PRKCH: variants seen among roughly 807,000 people sequenced by gnomAD.
PRKCH encodes protein kinase C eta type.
Under a neutral mutation model 82.5 loss-of-function variants are expected in PRKCH, and 28 were observed. That is an observed-to-expected ratio of 0.34 (90% CI 0.25 to 0.47). The LOEUF is 0.47. PRKCH is among the 20% of genes least tolerant of loss of function. The pLI is 1.00. For synonymous variants in PRKCH, 322 were observed against 327.4 expected (o/e 0.98, Z 0.18); for missense variants, 705 against 881.8 (o/e 0.80, Z 2.54).
Position 61,473,792 on chromosome 14 carries a change from A to T in PRKCH, c.1279-11710A>T, listed in dbSNP as rs886728004. On this transcript the variant is annotated intron_variant, in intron 9 of 13. Transcript: ENST00000332981. Reference sequence around the variant, plus strand: ...TGGATCACCTGAGGTCAGGAGTTCGAGACCAGCCTGGCCAACATGGCAAAA... The same window carrying T: ...TGGATCACCTGAGGTCAGGAGTTCGTGACCAGCCTGGCCAACATGGCAAAA... Among the ~76,000 whole-genome samples, 50 of 152,212 alleles carry T rather than the reference A, an allele frequency of 3.3e-4. 1 individual carries two copies. Among genetic ancestry groups the T allele is most frequent in the Admixed American group, 7.2e-4 (11 of 15,290 alleles).
intron 1 of PRKCH, among the ~76,000 whole-genome samples, chr14:61,247,514 TC>T (rs1207901010): frequency 6.6e-6 from 1 of 151,894 alleles, no homozygotes; most frequent in Non-Finnish European, 1.5e-5. Context: ...GGTGGGCAGA[TC>T]ACCTGAGGTC....
chr14:61,313,446 G>C (rs1685931675), intron 1 of PRKCH, among the ~76,000 whole-genome samples: 3 of 152,094 alleles, frequency 2.0e-5, no homozygotes, highest in South Asian at 4.1e-4. Flanking sequence ...TCTGCATTCA[G>C]AATTAAAGAA....
At chr14:61,369,473 G>A (rs1429880346) in intron 1 of PRKCH, among the ~76,000 whole-genome samples, 4 of 152,056 alleles carry the variant, frequency 2.6e-5, no homozygotes, top group Admixed American at 6.5e-5. Context: ...TTTGCTTCGC[G>A]TCAGAAATTC....
intron 1 of PRKCH, among the ~76,000 whole-genome samples, chr14:61,347,530 A>G (rs771329101): frequency 9.2e-5 from 14 of 152,112 alleles, no homozygotes. Flanking sequence ...TCTGTAGTTT[A>G]TTTCCTAATC....
chr14:61,511,765 G>T (rs1674223555), intron 10 of PRKCH, among the ~76,000 whole-genome samples: 1 of 152,210 alleles, frequency 6.6e-6, no homozygotes, highest in Non-Finnish European at 1.5e-5. Flanking sequence ...TCAGTGGAAA[G>T]TTACAGGAGG....
intron 1 of PRKCH, among the ~76,000 whole-genome samples, chr14:61,302,217 G>T (rs1467450117): frequency 2.0e-5 from 3 of 152,206 alleles, no homozygotes; most frequent in Non-Finnish European, 4.4e-5. Flanking sequence ...GGCATAAAAT[G>T]TAAGCAAATA....
intron 9 of PRKCH, among the ~76,000 whole-genome samples, chr14:61,475,658 C>T (rs1806784335): frequency 6.6e-6 from 1 of 152,054 alleles, no homozygotes; most frequent in African/African-American, 2.4e-5. Flanking sequence ...TAGCATGCAA[C>T]TGTTAAAAAA....
chr14:61,360,015 C>T (rs948179301), intron 1 of PRKCH, among the ~76,000 whole-genome samples: 1 of 152,216 alleles, frequency 6.6e-6, no homozygotes, highest in African/African-American at 2.4e-5. Context: ...CAGATACTTA[C>T]TTACCATTTT....
At chr14:61,297,248 A>G (rs933720510) in intron 1 of PRKCH, among the ~76,000 whole-genome samples, 3 of 152,224 alleles carry the variant, frequency 2.0e-5, no homozygotes, top group Non-Finnish European at 4.4e-5. Context: ...TATTTTTCAT[A>G]TAAAATTTGC....
intron 12 of PRKCH, among the ~76,000 whole-genome samples, chr14:61,535,839 A>G (rs1424205954): frequency 6.6e-6 from 1 of 152,236 alleles, no homozygotes; most frequent in Admixed American, 6.5e-5. Context: ...GGAGAAACAG[A>G]TGAAACAATA....
At chr14:61,413,409 C>CCA (rs1566867730) in intron 2 of PRKCH, among the ~76,000 whole-genome samples, 6 of 68,572 alleles carry the variant, frequency 8.7e-5, no homozygotes, top group African/African-American at 2.8e-4. Flanking sequence ...AAGCGCCCCC[C>CCA]CCCCGCCCCG....
chr14:61,447,575 G>T (rs1209524063), intron 4 of PRKCH, among the ~76,000 whole-genome samples: 1 of 152,144 alleles, frequency 6.6e-6, no homozygotes, highest in East Asian at 1.9e-4. Context: ...TAAAAGAAGA[G>T]AAACCATAAA....
At chr14:61,499,140 C>T (rs572729038) in intron 10 of PRKCH, among the ~76,000 whole-genome samples, 1 of 152,254 alleles carries the variant, frequency 6.6e-6, no homozygotes, top group South Asian at 2.1e-4. Context: ...CTCCTAGATC[C>T]CAGTACTTAA....
At chr14:61,506,489 A>C (rs1486038418) in intron 10 of PRKCH, among the ~76,000 whole-genome samples, 1 of 150,186 alleles carries the variant, frequency 6.7e-6, no homozygotes, top group Non-Finnish European at 1.5e-5. Context: ...CCAAATGTGA[A>C]CCCCCCTGGA....
intron 1 of PRKCH, among the ~76,000 whole-genome samples, chr14:61,328,353 C>T (rs923860303): frequency 1.5e-5 from 2 of 132,530 alleles, no homozygotes; most frequent in African/African-American, 5.5e-5. Context: ...TGGAAAATTC[C>T]CTGCTCTTAC....
chr14:61,424,946 T>C (rs1883034955), intron 2 of PRKCH, among the ~76,000 whole-genome samples: 1 of 152,244 alleles, frequency 6.6e-6, no homozygotes. Context: ...GGCTGTTTGC[T>C]TCAGAGGGTG....
At chr14:61,370,901 G>A (rs2046357681) in intron 1 of PRKCH, among the ~76,000 whole-genome samples, 1 of 152,054 alleles carries the variant, frequency 6.6e-6, no homozygotes, top group African/African-American at 2.4e-5. Flanking sequence ...AGCGCAAAAT[G>A]GGATGTGCTG....
At chr14:61,237,091 C>G (rs975910912) in intron 1 of PRKCH, among the ~76,000 whole-genome samples, 1 of 151,808 alleles carries the variant, frequency 6.6e-6, no homozygotes, top group Non-Finnish European at 1.5e-5. Flanking sequence ...TGGATACAGA[C>G]CCCCTTCCTG....
At chr14:61,503,214 C>T (rs955545685) in intron 10 of PRKCH, among the ~76,000 whole-genome samples, 18 of 151,362 alleles carry the variant, frequency 1.2e-4, no homozygotes, top group Admixed American at 1.1e-3. Context: ...TTTGTTTTCT[C>T]ATTTGCAAAT....
Sources: allele counts gnomAD v4.1 joint callset (sites outside exome capture counted in the v4.1 genomes callset), GRCh38; gene constraint gnomAD v4.1.1; transcripts MANE v1.5; gene names NCBI Gene and HGNC (gene_info 2026-07-23, HGNC 2026-07-21).